The following NRG1 variants were observed in gnomAD, a reference collection of about 807,000 sequenced individuals.
The protein encoded by NRG1 is neuregulin 1.
A neutral mutation model predicts 63.8 loss-of-function variants in NRG1; 18 were observed. That is an observed-to-expected ratio of 0.28 (90% CI 0.19 to 0.42). The LOEUF is 0.42. NRG1 is among the 10% of genes least tolerant of loss of function. NRG1 has a pLI of 1.00. For missense variants in NRG1, 762 were observed against 814.7 expected (o/e 0.94, Z 0.79); for synonymous variants, 302 against 301.3 (o/e 1.00, Z -0.02).
chr8:32,280,270 C>T (rs541276432), intron 1 of NRG1, among the ~76,000 whole-genome samples: 1 of 152,346 alleles, frequency 6.6e-6, no homozygotes, highest in East Asian at 1.9e-4. Context: ...TACGCACGCA[C>T]ACTTTCTAAA....
In NRG1 at chr8:31,883,394, A is replaced by G. The variant is rs1158657604; in HGVS notation, c.37+243963A>G. Among the ~76,000 whole-genome samples the G allele has an allele frequency of 2.6e-5, 4 of 152,232 alleles. No individual in the cohort carries two copies. The South Asian group carries it at 6.2e-4, about 24-fold the overall frequency. The stretch of plus-strand genomic sequence containing the variant: ...AAAAATTCAGGTGACTTGCTTTATT[A>G]TGATGTTCACTTTATTATTCAGTTC... On this transcript the variant is annotated intron_variant, in intron 1 of 10. Coordinates refer to the NRG1 transcript ENST00000519301.
intron 4 of NRG1, 66 bp from the exon 5 acceptor site, chr8:32,616,769 A>C (rs766637262): frequency 9.1e-6 from 12 of 1,324,786 alleles, no homozygotes; most frequent in Non-Finnish European, 1.2e-5. Flanking sequence ...AGCCTGGCAA[A>C]TTTCTAATTT....
At chr8:31,847,917 T>A (rs10503892) in intron 1 of NRG1, among the ~76,000 whole-genome samples, 23 of 152,262 alleles carry the variant, frequency 1.5e-4, no homozygotes, top group South Asian at 1.0e-3. Flanking sequence ...ATAATAAAGA[T>A]GTTGGTAAGA....
chr8:31,798,220 C>T (rs1358723073), intron 1 of NRG1, among the ~76,000 whole-genome samples: 5 of 151,912 alleles, frequency 3.3e-5, no homozygotes, highest in South Asian at 4.2e-4. Flanking sequence ...TTTCAATATT[C>T]GCAACACAGA....
chr8:32,456,285 G>A (rs938484915), intron 1 of NRG1, among the ~76,000 whole-genome samples: 2 of 152,110 alleles, frequency 1.3e-5, no homozygotes, highest in Non-Finnish European at 2.9e-5. Context: ...AGTATTTTCT[G>A]ACTTATGGTC....
chr8:32,459,184 G>C (rs1028451150), intron 1 of NRG1, among the ~76,000 whole-genome samples: 11 of 152,228 alleles, frequency 7.2e-5, no homozygotes, highest in Non-Finnish European at 1.5e-4. Flanking sequence ...AGCTCTTCTG[G>C]TCTTGCCCAT....
At chr8:32,714,086 A>G (rs1483748209) in intron 5 of NRG1, among the ~76,000 whole-genome samples, 1 of 152,128 alleles carries the variant, frequency 6.6e-6, no homozygotes, top group East Asian at 1.9e-4. Context: ...CGGCCTCCCA[A>G]AGTGCTGGGA....
At chr8:32,339,445 G>A (rs1406583664) in intron 1 of NRG1, among the ~76,000 whole-genome samples, 1 of 152,162 alleles carries the variant, frequency 6.6e-6, no homozygotes, top group Non-Finnish European at 1.5e-5. Context: ...TAAAAAGATA[G>A]TGAAATTGGA....
At chr8:32,070,122 A>T (rs1462900) in intron 1 of NRG1, among the ~76,000 whole-genome samples, 1 of 152,050 alleles carries the variant, frequency 6.6e-6, no homozygotes, top group African/African-American at 2.4e-5. Flanking sequence ...CATGTATTTA[A>T]GTATGAAGGT....
At chr8:32,628,851 G>T (rs772852043) in intron 5 of NRG1, among the ~76,000 whole-genome samples, 1 of 151,150 alleles carries the variant, frequency 6.6e-6, no homozygotes, top group Non-Finnish European at 1.5e-5. Flanking sequence ...TCCTGCCTCA[G>T]TCTCCTGAGC....
chr8:32,589,871 C>T (rs1842219036), intron 1 of NRG1, among the ~76,000 whole-genome samples: 1 of 152,108 alleles, frequency 6.6e-6, no homozygotes, highest in Non-Finnish European at 1.5e-5. Context: ...AGTATTTTTT[C>T]ACCCATTAAA....
intron 1 of NRG1, among the ~76,000 whole-genome samples, chr8:31,837,015 T>C (rs1825744572): frequency 6.6e-6 from 1 of 152,024 alleles, no homozygotes; most frequent in African/African-American, 2.4e-5. Flanking sequence ...TTTTTAAAAA[T>C]TGTGAATGAG....
intron 1 of NRG1, among the ~76,000 whole-genome samples, chr8:32,165,387 T>C (rs1839291592): frequency 6.6e-6 from 1 of 152,054 alleles, no homozygotes; most frequent in South Asian, 2.1e-4. Context: ...TTAGTGATCC[T>C]CCCATTTTGC....
chr8:32,680,468 T>A (rs1808310730), intron 5 of NRG1, among the ~76,000 whole-genome samples: 1 of 152,110 alleles, frequency 6.6e-6, no homozygotes, highest in Non-Finnish European at 1.5e-5. Flanking sequence ...ATAAACCCAG[T>A]TTATTGAGGC....
chr8:32,170,733 G>C (rs777087719), intron 1 of NRG1, among the ~76,000 whole-genome samples: 11 of 152,214 alleles, frequency 7.2e-5, no homozygotes. Flanking sequence ...CATTAAGATG[G>C]AAATGATTTG....
At chr8:31,850,330 C>A (rs1324042070) in intron 1 of NRG1, among the ~76,000 whole-genome samples, 1 of 152,108 alleles carries the variant, frequency 6.6e-6, no homozygotes, top group Non-Finnish European at 1.5e-5. Context: ...CTGGATCCTG[C>A]CATTGTTGTG....
intron 1 of NRG1, among the ~76,000 whole-genome samples, chr8:32,312,756 C>T (rs1856963385): frequency 6.6e-6 from 1 of 150,562 alleles, no homozygotes; most frequent in Admixed American, 6.7e-5. Flanking sequence ...ATGAAACTAA[C>T]CAAACTTCCC....
intron 1 of NRG1, among the ~76,000 whole-genome samples, chr8:32,119,685 C>T (rs1049751096): frequency 6.6e-6 from 1 of 152,020 alleles, no homozygotes; most frequent in Non-Finnish European, 1.5e-5. Context: ...CCTTTCCCCT[C>T]CAGCTAGATG....
At chr8:32,421,810 G>T (rs759078194) in intron 1 of NRG1, among the ~76,000 whole-genome samples, 24 of 151,884 alleles carry the variant, frequency 1.6e-4, no homozygotes, top group Middle Eastern at 6.8e-3. Context: ...AGCTGATTTT[G>T]TGTGTTTTTA....
Sources: allele counts gnomAD v4.1 joint callset (sites outside exome capture counted in the v4.1 genomes callset), GRCh38; gene constraint gnomAD v4.1.1; transcripts MANE v1.5; gene names NCBI Gene and HGNC (gene_info 2026-07-23, HGNC 2026-07-21).